The following TCF12 variants were observed in gnomAD, a reference collection of about 807,000 sequenced individuals.
The protein encoded by TCF12 is transcription factor 12, also known as DNA-binding protein HTF4.
Under a neutral mutation model 86.0 loss-of-function variants are expected in TCF12, and 45 were observed. The ratio of observed to expected loss-of-function variants is 0.52; its 90% confidence interval spans 0.41 to 0.67. The LOEUF is 0.67. TCF12 is among the 30% of genes least tolerant of loss of function. TCF12 has a pLI of 0.00. For synonymous variants in TCF12, 330 were observed against 299.6 expected (o/e 1.10, Z -1.05); for missense variants, 881 against 859.9 (o/e 1.02, Z -0.31).
chr15:57,145,257 T>C (rs1324919136), intron 5 of TCF12, among the ~76,000 whole-genome samples: 1 of 152,194 alleles, frequency 6.6e-6, no homozygotes, highest in Non-Finnish European at 1.5e-5. Context: ...TGAGTATTGG[T>C]AATGTGTTAC....
chr15:56,981,453 TA>T (rs1208124530), intron 3 of TCF12, among the ~76,000 whole-genome samples: 6 of 152,318 alleles, frequency 3.9e-5, no homozygotes, highest in African/African-American at 1.4e-4. Flanking sequence ...ATAGTGGTGT[TA>T]ATCTGTTCAT....
chr15:57,070,164 A>G (rs1335459341), intron 4 of TCF12, among the ~76,000 whole-genome samples: 5 of 152,168 alleles, frequency 3.3e-5, no homozygotes, highest in African/African-American at 7.2e-5. Context: ...GCTGCTGTAT[A>G]TGATTCAGCA....
intron 3 of TCF12, among the ~76,000 whole-genome samples, chr15:56,986,550 A>AT: frequency 6.6e-6 from 1 of 152,188 alleles, no homozygotes; most frequent in Non-Finnish European, 1.5e-5. Flanking sequence ...ACTATTTATT[A>AT]TGGCAGAAAC....
chr15:57,060,715 C>T (rs1171976284), intron 3 of TCF12, among the ~76,000 whole-genome samples: 2 of 152,180 alleles, frequency 1.3e-5, no homozygotes, highest in Non-Finnish European at 2.9e-5. Context: ...CACTGTATTG[C>T]AACTGTGGTG....
intron 19 of TCF12, among the ~76,000 whole-genome samples, chr15:57,276,933 T>C (rs1415709473): frequency 6.6e-6 from 1 of 151,164 alleles, no homozygotes; most frequent in East Asian, 2.0e-4. Flanking sequence ...GCCTCCTCCA[T>C]AGCTGGGATT....
intron 3 of TCF12, among the ~76,000 whole-genome samples, chr15:57,017,735 T>TTG (rs2030013397): frequency 6.6e-6 from 1 of 151,350 alleles, no homozygotes; most frequent in Admixed American, 6.6e-5. Context: ...TCTTTTTTTT[T>TTG]TTTTTTTTGC....
intron 7 of TCF12, among the ~76,000 whole-genome samples, chr15:57,193,337 T>G (rs2057081318): frequency 6.6e-6 from 1 of 152,260 alleles, no homozygotes; most frequent in Non-Finnish European, 1.5e-5. Context: ...ATTGTGCCGC[T>G]GTCACCCCTA....
At chr15:57,031,005 C>T (rs1188160606) in intron 3 of TCF12, among the ~76,000 whole-genome samples, 1 of 152,226 alleles carries the variant, frequency 6.6e-6, no homozygotes, top group East Asian at 1.9e-4. Flanking sequence ...ACTTGCCATT[C>T]AGACTGAATA....
chr15:57,154,170 A>G (rs1428724074), intron 5 of TCF12, among the ~76,000 whole-genome samples: 2 of 152,192 alleles, frequency 1.3e-5, no homozygotes, highest in Admixed American at 1.3e-4. Context: ...GGAAGCAAGC[A>G]TTTGGCTTTT....
chr15:56,943,473 A>G lies in TCF12; in HGVS notation c.148+22375A>G, dbSNP rs750008343. 5.1e-4 allele frequency among the ~76,000 whole-genome samples: 77 copies of G among 152,224 alleles called. 3 individuals are homozygous for G. Among genetic ancestry groups the G allele is most frequent in the Non-Finnish European group, 1.5e-4 (10 of 68,034 alleles). ...GCCTTCAATAAAATGTTAGTTCCTT[A>G]TGTATAGGCCCTTGTACAGGGCACA... On this transcript the variant is annotated intron_variant, in intron 3 of 20. Coordinates refer to ENST00000333725, the MANE Select transcript of TCF12 (RefSeq NM_207037.2).
At chr15:57,034,869 G>A (rs981096952) in intron 3 of TCF12, among the ~76,000 whole-genome samples, 6 of 152,114 alleles carry the variant, frequency 3.9e-5, no homozygotes, top group Admixed American at 2.6e-4. Context: ...TAATCTGTAA[G>A]CTTTACTATT....
chr15:56,924,432 T>C (rs1055740814), intron 3 of TCF12, among the ~76,000 whole-genome samples: 2 of 152,156 alleles, frequency 1.3e-5, no homozygotes, highest in Non-Finnish European at 2.9e-5. Context: ...CTTGAACATA[T>C]CAAGAACAAA....
intron 5 of TCF12, among the ~76,000 whole-genome samples, chr15:57,105,359 C>G (rs569848778): frequency 6.6e-6 from 1 of 152,110 alleles, no homozygotes; most frequent in Non-Finnish European, 1.5e-5. Flanking sequence ...TGTCTTTAAA[C>G]CTTTGTGTGT....
chr15:57,242,292 G>A (rs1257620561), intron 12 of TCF12, among the ~76,000 whole-genome samples: 1 of 152,148 alleles, frequency 6.6e-6, no homozygotes, highest in East Asian at 1.9e-4. Context: ...CCTGAGTGCT[G>A]AGATACGAAA....
chr15:57,007,792 C>CTTTCTTTCTTTT (rs1567241669), intron 3 of TCF12, among the ~76,000 whole-genome samples: 1 of 52,536 alleles, frequency 1.9e-5, no homozygotes, highest in Non-Finnish European at 4.7e-5. Context: ...CTTTCTTTCT[C>CTTTCTTTCTTTT]TCTTTCTTTC....
chr15:57,199,599 G>A (rs2057434417), intron 8 of TCF12, among the ~76,000 whole-genome samples: 1 of 152,174 alleles, frequency 6.6e-6, no homozygotes, highest in Non-Finnish European at 1.5e-5. Flanking sequence ...GAGGTCACCA[G>A]CATTTCTTAC....
intron 8 of TCF12, among the ~76,000 whole-genome samples, chr15:57,223,657 T>TGTTTTGTTTTTG (rs2058725534): frequency 7.4e-6 from 1 of 135,060 alleles, no homozygotes; most frequent in African/African-American, 2.5e-5. Flanking sequence ...TTTTTTTTTT[T>TGTTTTGTTTTTG]TTTTTTTTTT....
chr15:56,990,895 A>G (rs2140964211), intron 3 of TCF12, among the ~76,000 whole-genome samples: 1 of 152,088 alleles, frequency 6.6e-6, no homozygotes, highest in Middle Eastern at 3.4e-3. Context: ...TCCAGGCTCA[A>G]GCAATGCTCC....
chr15:56,998,952 A>C (rs1459998550), intron 3 of TCF12, among the ~76,000 whole-genome samples: 1 of 152,132 alleles, frequency 6.6e-6, no homozygotes, highest in Non-Finnish European at 1.5e-5. Flanking sequence ...TAATCCTAGC[A>C]CTTTGGGAGG....
Sources: allele counts gnomAD v4.1 joint callset (sites outside exome capture counted in the v4.1 genomes callset), GRCh38; gene constraint gnomAD v4.1.1; transcripts MANE v1.5; gene names NCBI Gene and HGNC (gene_info 2026-07-23, HGNC 2026-07-21).